Variants in SLIT3 observed in about 807,000 individuals in gnomAD.
SLIT3 encodes slit homolog 3 protein.
In SLIT3, 68 loss-of-function variants were observed where a neutral mutation model predicts 184.0. The ratio of observed to expected loss-of-function variants is 0.37; its 90% CI spans 0.30 to 0.45. The LOEUF (loss-of-function observed/expected upper bound fraction) is 0.45, where lower values mean the gene tolerates loss of function less well. SLIT3 is among the 20% of genes least tolerant of loss of function. SLIT3 has a pLI of 1.00. For synonymous variants in SLIT3, 831 were observed against 828.6 expected (o/e 1.00, Z -0.05); for missense variants, 1,707 against 2,026.0 (o/e 0.84, Z 3.02).
chr5:169,224,952 G>A (rs1764752583), intron 3 of SLIT3, among the ~76,000 whole-genome samples: 1 of 152,138 alleles, frequency 6.6e-6, no homozygotes, highest in Non-Finnish European at 1.5e-5. Context: ...CCGAAGTGCT[G>A]GGATTGCAGG....
intron 20 of SLIT3, 146 bp from the exon 21 acceptor site, chr5:168,724,630 A>G (rs1763048594): frequency 4.0e-6 from 2 of 503,950 alleles, no homozygotes; most frequent in Admixed American, 6.4e-5. Context: ...AAGCATTACT[A>G]TATTTGTCAT....
intron 1 of SLIT3, among the ~76,000 whole-genome samples, chr5:169,254,521 G>T (rs1026613096): frequency 6.6e-6 from 1 of 151,964 alleles, no homozygotes; most frequent in African/African-American, 2.4e-5. Flanking sequence ...TCAAGAGATG[G>T]TGTCTATGCC....
chr5:168,894,625 C>G (rs116674301), intron 4 of SLIT3, among the ~76,000 whole-genome samples: 1,560 of 152,230 alleles, frequency 0.01, 29 homozygotes, highest in African/African-American at 0.036. Context: ...GTTTAGTGAG[C>G]TAAGCTGAGG....
chr5:168,835,537 G>C (rs563019041), intron 6 of SLIT3, among the ~76,000 whole-genome samples: 1 of 151,564 alleles, frequency 6.6e-6, no homozygotes, highest in South Asian at 2.1e-4. Flanking sequence ...TACTGGGTGC[G>C]GTGACTCATG....
At chr5:168,853,830 G>A (rs1271038593) in intron 5 of SLIT3, among the ~76,000 whole-genome samples, 3 of 152,186 alleles carry the variant, frequency 2.0e-5, no homozygotes, top group East Asian at 1.9e-4. Context: ...ATGTTTCCAC[G>A]TTCACTTATG....
intron 3 of SLIT3, among the ~76,000 whole-genome samples, chr5:169,194,133 G>A (rs1763662158): frequency 1.3e-5 from 2 of 151,262 alleles, no homozygotes; most frequent in South Asian, 4.2e-4. Context: ...TACTTGGGAG[G>A]CTGAGGCAGG....
At chr5:168,841,118 G>A (rs568133893) in intron 6 of SLIT3, among the ~76,000 whole-genome samples, 23 of 152,326 alleles carry the variant, frequency 1.5e-4, no homozygotes, top group Non-Finnish European at 2.9e-4. Flanking sequence ...GCCCACAGCC[G>A]CCATGCTTCA....
At chr5:168,962,507 A>T (rs77493347) in intron 4 of SLIT3, among the ~76,000 whole-genome samples, 1 of 151,896 alleles carries the variant, frequency 6.6e-6, no homozygotes, top group African/African-American at 2.4e-5. Flanking sequence ...CAAGCTTTCT[A>T]TATTCCGTGT....
At position 168,669,860 on chromosome 5, in the gene SLIT3, C is replaced by T. The variant is rs147337079; in HGVS notation, c.4259G>A (p.Gly1420Glu). The T allele has an allele frequency of 7.4e-6, 12 of 1,614,078 alleles. No homozygotes were observed. The highest frequency in any genetic ancestry group is 1.0e-5 in the Non-Finnish European group (12 of 1,180,052). Residue 1420 changes from glycine to glutamate, a missense_variant, in exon 35 of 36, where the codon GGG becomes GAG. By Grantham distance (98) the Gly-to-Glu change is moderately conservative (BLOSUM62 -2). Around this residue, in one of 3 missense-constraint regions of SLIT3, gnomAD observed 387 missense variants for 477.9 expected, o/e 0.81. Transcript: ENST00000519560. The part of the protein sequence containing the change: ...NACSAFKCHH[G>E]QCHISDQGEP... Reference sequence around the variant, plus strand: ...CCCTTGGTCTGAGATGTGGCACTGCCCATGGTGACACTTGAAGGCTGAGCA... The same window carrying T: ...CCCTTGGTCTGAGATGTGGCACTGCTCATGGTGACACTTGAAGGCTGAGCA...
intron 4 of SLIT3, among the ~76,000 whole-genome samples, chr5:169,117,633 G>C (rs1760723562): frequency 6.6e-6 from 1 of 152,206 alleles, no homozygotes; most frequent in South Asian, 2.1e-4. Context: ...TAGGGACTAA[G>C]AGAAGGTGTT....
intron 8 of SLIT3, among the ~76,000 whole-genome samples, chr5:168,809,269 G>A (rs1757087240): frequency 6.6e-6 from 1 of 152,152 alleles, no homozygotes; most frequent in Admixed American, 6.5e-5. Context: ...CATTCTGTTT[G>A]GCAGTGTGTG....
chr5:168,966,205 A>C (rs187912856), intron 4 of SLIT3, among the ~76,000 whole-genome samples: 16 of 152,330 alleles, frequency 1.1e-4, no homozygotes, highest in Admixed American at 1.0e-3. Flanking sequence ...AAACACTTGT[A>C]AGTCTCCCCA....
chr5:169,142,176 T>G (rs901339454), intron 4 of SLIT3, among the ~76,000 whole-genome samples: 4 of 152,138 alleles, frequency 2.6e-5, no homozygotes, highest in Non-Finnish European at 5.9e-5. Context: ...CATTGCACAT[T>G]CACTGTGAAT....
intron 13 of SLIT3, among the ~76,000 whole-genome samples, chr5:168,773,990 C>T (rs920743787): frequency 1.3e-4 from 20 of 152,164 alleles, no homozygotes; most frequent in African/African-American, 4.8e-4. Context: ...AGTAACAGCA[C>T]CAAGTAGGGT....
At chr5:169,141,752 A>G (rs1171121494) in intron 4 of SLIT3, among the ~76,000 whole-genome samples, 2 of 146,084 alleles carry the variant, frequency 1.4e-5, no homozygotes, top group African/African-American at 5.1e-5. Flanking sequence ...AAAAGAAAAA[A>G]AAAAAAGTTA....
At chr5:168,928,636 TA>T (rs1761900585) in intron 4 of SLIT3, among the ~76,000 whole-genome samples, 1 of 152,200 alleles carries the variant, frequency 6.6e-6, no homozygotes, top group Non-Finnish European at 1.5e-5. Flanking sequence ...CAAAAACCTT[TA>T]AAAACATATC....
intron 4 of SLIT3, among the ~76,000 whole-genome samples, chr5:168,981,512 A>G (rs758408457): frequency 2.7e-4 from 41 of 152,136 alleles, no homozygotes; most frequent in Non-Finnish European, 5.7e-4. Context: ...TCAAAATAAA[A>G]CAAATCCTCA....
intron 15 of SLIT3, among the ~76,000 whole-genome samples, chr5:168,761,745 T>A (rs923944075): frequency 5.3e-5 from 8 of 151,342 alleles, no homozygotes; most frequent in Admixed American, 1.3e-4. Flanking sequence ...TTAAAAAAAA[T>A]TTTTTTTTCC....
chr5:169,300,406 G>A lies in SLIT3; in HGVS notation c.197+107C>T, dbSNP rs1269377400. ...TCGTATCCAGGAAGGGATGAGAATA[G>A]AGACTGCATCCAGGGAGGCCGAGGG... On this transcript the variant is annotated intron_variant, in intron 1 of 35. Transcript: ENST00000519560. This position sits in a 1 kb window ranked among gnomAD's most constrained non-coding sequence, Gnocchi z 4.1. 2 of 1,300,346 alleles carry A rather than the reference G, an allele frequency of 1.5e-6. No homozygotes were observed. Among genetic ancestry groups the A allele is most frequent in the East Asian group, 3.1e-5 (1 of 31,890 alleles). The allele number at this position is 1,300,346 out of a possible 1,614,324, so 80.6% of individuals were successfully genotyped here.
Sources: gnomAD v4.1 joint callset for allele counts (sites outside exome capture counted in the v4.1 genomes callset) on GRCh38, gnomAD v4.1.1 for gene constraint, gnomAD v4.1.1 regional missense constraint, Gnocchi (gnomAD v3.1) non-coding constraint, MANE v1.5 for transcripts, NCBI Gene and HGNC (gene_info 2026-07-23, HGNC 2026-07-21) for gene names.